MAPK10: variants seen among roughly 807,000 people sequenced by gnomAD.
The protein encoded by MAPK10 is mitogen-activated protein kinase 10.
Under a neutral mutation model 59.3 loss-of-function variants are expected in MAPK10, and 25 were observed. That is an observed-to-expected ratio of 0.42 (90% CI 0.31 to 0.59). The LOEUF (loss-of-function observed/expected upper bound fraction) is 0.59, where lower values mean the gene tolerates loss of function less well. Among genes scored for constraint, MAPK10 ranks in the 20% least tolerant of loss-of-function variants. MAPK10 has a pLI of 0.15. For synonymous variants in MAPK10, 190 were observed against 200.5 expected (o/e 0.95, Z 0.44); for missense variants, 351 against 568.9 (o/e 0.62, Z 3.90).
At chr4:86,081,309 C>T (rs1247123949) in intron 9 of MAPK10, 1 of 151,738 alleles carries the variant, frequency 6.6e-6, no homozygotes, top group Admixed American at 6.6e-5. Context: ...AAAGTTATAG[C>T]ACAATATAAT....
intron 1 of MAPK10, among the ~76,000 whole-genome samples, chr4:86,486,818 A>G (rs952520944): frequency 6.6e-6 from 1 of 152,204 alleles, no homozygotes; most frequent in African/African-American, 2.4e-5. Flanking sequence ...GGAGAAACCA[A>G]ACAACATCTT....
chr4:86,099,916 T>C (rs1410855596), intron 8 of MAPK10: 1 of 152,166 alleles, frequency 6.6e-6, no homozygotes, highest in Non-Finnish European at 1.5e-5. Flanking sequence ...GTACCAGAAC[T>C]CCGATATTGC....
intron 2 of MAPK10, among the ~76,000 whole-genome samples, chr4:86,307,695 T>C (rs1214164317): frequency 6.6e-6 from 1 of 152,150 alleles, no homozygotes. Context: ...GAGTCTAGTT[T>C]GGTTGGGACA....
intron 2 of MAPK10, among the ~76,000 whole-genome samples, chr4:86,291,767 T>C (rs2095235465): frequency 6.6e-6 from 1 of 152,194 alleles, no homozygotes; most frequent in African/African-American, 2.4e-5. Flanking sequence ...AAATGCCCTT[T>C]GATTAAAAGA....
At chr4:86,173,443 T>C (rs1401313537) in intron 3 of MAPK10, among the ~76,000 whole-genome samples, 1 of 152,120 alleles carries the variant, frequency 6.6e-6, no homozygotes, top group Admixed American at 6.6e-5. Context: ...CCTGGACCCC[T>C]TCCTTACACC....
intron 11 of MAPK10, among the ~76,000 whole-genome samples, chr4:86,039,670 T>G (rs766058452): frequency 6.6e-6 from 1 of 152,148 alleles, no homozygotes; most frequent in Non-Finnish European, 1.5e-5. Context: ...TCCCAGTAAC[T>G]GACTATTTCC....
At chr4:86,062,360 CCAG>C (rs2045915313) in intron 11 of MAPK10, among the ~76,000 whole-genome samples, 1 of 152,052 alleles carries the variant, frequency 6.6e-6, no homozygotes, top group South Asian at 2.1e-4. Context: ...GAAAAAGGCT[CCAG>C]CTATTTTAGT....
At chr4:86,276,748 G>A (rs2094590735) in intron 2 of MAPK10, among the ~76,000 whole-genome samples, 1 of 152,078 alleles carries the variant, frequency 6.6e-6, no homozygotes, top group Non-Finnish European at 1.5e-5. Flanking sequence ...AATGCTGAGT[G>A]TCTGGTTCTA....
At position 86,343,485 on chromosome 4, in the gene MAPK10, C is replaced by T. The variant is rs193264233; in HGVS notation, c.-7+11045G>A. Among the ~76,000 whole-genome samples the T allele has an allele frequency of 2.3e-3, 347 of 152,148 alleles. 1 individual carries two copies. Among genetic ancestry groups the T allele is most frequent in the African/African-American group, 8.2e-3 (339 of 41,510 alleles). On this transcript the variant is annotated intron_variant, in intron 2 of 13. Coordinates refer to ENST00000641462, the MANE Select transcript of MAPK10 (RefSeq NM_138982.4). The stretch of plus-strand genomic sequence containing the variant: ...TCTAAATAGCAAAACACTATTTTCT[C>T]GATTTTTTCAAGGGTGTTACATAAT...
intron 2 of MAPK10, among the ~76,000 whole-genome samples, chr4:86,198,706 A>G (rs1419826446): frequency 6.6e-6 from 1 of 151,796 alleles, no homozygotes; most frequent in Non-Finnish European, 1.5e-5. Flanking sequence ...CTAAGCTTTG[A>G]AAAATATATT....
intron 2 of MAPK10, among the ~76,000 whole-genome samples, chr4:86,339,821 T>C (rs935936855): frequency 1.2e-4 from 19 of 152,370 alleles, no homozygotes; most frequent in South Asian, 2.1e-4. Flanking sequence ...ATAATTATTA[T>C]ATAAGTCATG....
intron 2 of MAPK10, among the ~76,000 whole-genome samples, chr4:86,316,208 T>G (rs933678800): frequency 6.6e-6 from 1 of 152,132 alleles, no homozygotes; most frequent in African/African-American, 2.4e-5. Flanking sequence ...GGAAGTATAT[T>G]AGCATAGCAA....
At position 86,422,170 on chromosome 4, in the gene MAPK10, C is replaced by T. The variant is rs73838907; in HGVS notation, c.-122+30860G>A. Among the ~76,000 whole-genome samples, 91 of 152,268 alleles carry T rather than the reference C, an allele frequency of 6.0e-4. 1 individual carries two copies. Among genetic ancestry groups the T allele is most frequent in the African/African-American group, 2.0e-3 (84 of 41,548 alleles). ...GTGTTTATTGGTCATCTGTCTCTGA[C>T]ATTAGAATGTCAGCACTTAAGGGCA... On this transcript the variant is annotated intron_variant, in intron 1 of 13. Coordinates refer to the MAPK10 transcript ENST00000361569.
At chr4:86,263,811 T>G (rs2094118275) in intron 2 of MAPK10, among the ~76,000 whole-genome samples, 1 of 152,204 alleles carries the variant, frequency 6.6e-6, no homozygotes, top group Non-Finnish European at 1.5e-5. Context: ...CATTGATATT[T>G]GGCACACAAT....
upstream of MAPK10, among the ~76,000 whole-genome samples, chr4:86,363,472 T>C (rs1035995184): frequency 6.6e-6 from 1 of 152,202 alleles, no homozygotes. Flanking sequence ...CGTTAGGTGT[T>C]AGTTTCCTTT....
chr4:86,099,183 T>C (rs1319138410), intron 8 of MAPK10: 1 of 152,342 alleles, frequency 6.6e-6, no homozygotes, highest in Non-Finnish European at 1.5e-5. Flanking sequence ...TAGCTTTTCC[T>C]TCAGAAGTTT....
chr4:86,188,655 A>G (rs186279881), intron 3 of MAPK10, among the ~76,000 whole-genome samples: 47 of 152,242 alleles, frequency 3.1e-4, no homozygotes, highest in African/African-American at 1.1e-3. Context: ...CCTTTGTCAG[A>G]TGGATACATT....
intron 1 of MAPK10, among the ~76,000 whole-genome samples, chr4:86,468,935 A>G (rs1374855049): frequency 6.6e-6 from 1 of 152,188 alleles, no homozygotes; most frequent in East Asian, 1.9e-4. Context: ...AGGTAGGATT[A>G]GAATTCCCAA....
intron 4 of MAPK10, among the ~76,000 whole-genome samples, chr4:86,134,041 C>A (rs1226816049): frequency 3.3e-5 from 5 of 152,190 alleles, no homozygotes; most frequent in Admixed American, 3.3e-4. Context: ...CAGTCACCAA[C>A]TGCTTACACC....
Sources: gnomAD v4.1 joint callset for allele counts (sites outside exome capture counted in the v4.1 genomes callset) on GRCh38, gnomAD v4.1.1 for gene constraint, MANE v1.5 for transcripts, NCBI Gene and HGNC (gene_info 2026-07-23, HGNC 2026-07-21) for gene names.